The following ANKS1B variants were observed in gnomAD, a reference collection of about 807,000 sequenced individuals.
The protein encoded by ANKS1B is ankyrin repeat and sterile alpha motif domain containing 1B.
In ANKS1B, 36 loss-of-function variants were observed where a neutral mutation model predicts 148.3. The observed-to-expected ratio is 0.24, with a 90% CI of 0.19 to 0.32. ANKS1B has a LOEUF of 0.32. Ranked by LOEUF, ANKS1B falls within the 10% of genes least tolerant of loss-of-function variation. The probability of loss-of-function intolerance (pLI) is 1.00; values close to 1 mark genes in which losing one functional copy is unlikely to be tolerated. For missense variants in ANKS1B, 1,157 were observed against 1,542.6 expected (o/e 0.75, Z 4.19); for synonymous variants, 542 against 560.8 (o/e 0.97, Z 0.47).
At chr12:98,767,233 GT>G (rs1303748489) in intron 25 of ANKS1B, among the ~76,000 whole-genome samples, 5 of 152,192 alleles carry the variant, frequency 3.3e-5, no homozygotes, top group Non-Finnish European at 7.3e-5. Flanking sequence ...TGATGCTAGT[GT>G]TTTTCTTGCC....
At chr12:99,875,922 T>G (rs569122600) in intron 1 of ANKS1B, among the ~76,000 whole-genome samples, 2 of 152,320 alleles carry the variant, frequency 1.3e-5, no homozygotes, top group East Asian at 3.9e-4. Context: ...AGTATCAAGA[T>G]GTAGGAAGCA....
chr12:99,271,078 G>C (rs778392332), intron 12 of ANKS1B, among the ~76,000 whole-genome samples: 32 of 152,196 alleles, frequency 2.1e-4, no homozygotes, highest in Non-Finnish European at 4.3e-4. Context: ...CAGAGTCCCT[G>C]CCTATCTCTC....
At chr12:98,819,543 T>A (rs2099167509) in intron 19 of ANKS1B, among the ~76,000 whole-genome samples, 1 of 152,214 alleles carries the variant, frequency 6.6e-6, no homozygotes, top group Non-Finnish European at 1.5e-5. Flanking sequence ...CAATTCAATA[T>A]AAGGCAAAAG....
rs752364983 is a variant in ANKS1B, at chr12:98,798,122, C to CA, written c.3342+811dup. On this transcript the variant is annotated intron_variant, in intron 22 of 26. Coordinates refer to ENST00000683438, the MANE Select transcript of ANKS1B (RefSeq NM_001352186.2). ...ACTAATCACAGATATTTGGAATTGC[C>CA]ATTTTTTTTTTTTTTTTGAGACAGA... Among the ~76,000 whole-genome samples, 82 of 124,456 alleles carry CA rather than the reference C, an allele frequency of 6.6e-4. 1 individual carries two copies. Among genetic ancestry groups the CA allele is most frequent in the Admixed American group, 2.3e-3 (23 of 9,792 alleles). 81.6% of individuals were successfully genotyped at this position (124,456 alleles called of 152,430 possible). A position where few individuals can be genotyped will look rare whatever the true frequency, so the allele number is the denominator to read the frequency against.
At chr12:99,277,538 GA>G (rs2077834746) in intron 12 of ANKS1B, among the ~76,000 whole-genome samples, 1 of 152,210 alleles carries the variant, frequency 6.6e-6, no homozygotes, top group Non-Finnish European at 1.5e-5. Flanking sequence ...GTGTACACAT[GA>G]AATGTTGAAG....
chr12:99,590,151 CATAT>C (rs1042558538), intron 9 of ANKS1B, among the ~76,000 whole-genome samples: 4 of 151,646 alleles, frequency 2.6e-5, no homozygotes, highest in African/African-American at 9.7e-5. Context: ...CACATATAAA[CATAT>C]ATAGATATGT....
At chr12:99,021,574 C>T (rs927684531) in intron 17 of ANKS1B, among the ~76,000 whole-genome samples, 2 of 151,896 alleles carry the variant, frequency 1.3e-5, no homozygotes, top group Admixed American at 1.3e-4. Context: ...ATAGGCACCA[C>T]AATAAGGTAT....
intron 9 of ANKS1B, among the ~76,000 whole-genome samples, chr12:99,555,603 G>A (rs1045178430): frequency 4.6e-5 from 7 of 151,962 alleles, no homozygotes; most frequent in African/African-American, 7.3e-5. Flanking sequence ...ATTATTTTGA[G>A]GTATATTCCT....
intron 26 of ANKS1B, among the ~76,000 whole-genome samples, chr12:98,749,298 G>A (rs1185505295): frequency 6.6e-6 from 1 of 151,226 alleles, no homozygotes; most frequent in Non-Finnish European, 1.5e-5. Flanking sequence ...TAGTAGAGAC[G>A]GGGTTTCACC....
chr12:99,617,825 A>G (rs970212592), intron 9 of ANKS1B, among the ~76,000 whole-genome samples: 2 of 152,066 alleles, frequency 1.3e-5, no homozygotes, highest in African/African-American at 4.8e-5. Context: ...AAAACAAAAC[A>G]AAGCAAAACA....
At chr12:99,120,167 C>T (rs2062401931) in intron 15 of ANKS1B, among the ~76,000 whole-genome samples, 1 of 152,156 alleles carries the variant, frequency 6.6e-6, no homozygotes, top group African/African-American at 2.4e-5. Context: ...TGTAGACTTG[C>T]CAATTCACCT....
chr12:98,745,881 C>T (rs367871401), intron 26 of ANKS1B, 32 bp from the exon 27 acceptor site: 22 of 1,591,532 alleles, frequency 1.4e-5, no homozygotes, highest in South Asian at 5.7e-5. Flanking sequence ...GCCTGTTATA[C>T]GGTCGCCGCG....
chr12:99,072,566 T>C (rs1030101549), intron 16 of ANKS1B, among the ~76,000 whole-genome samples: 7 of 152,200 alleles, frequency 4.6e-5, no homozygotes, highest in Admixed American at 2.6e-4. Context: ...TCCTTAAAGA[T>C]GACTTAAGTG....
At chr12:99,781,107 G>T (rs2064272628) in intron 5 of ANKS1B, among the ~76,000 whole-genome samples, 1 of 148,528 alleles carries the variant, frequency 6.7e-6, no homozygotes, top group Admixed American at 6.7e-5. Context: ...GGTCCCAAAT[G>T]TTAGTTCATT....
intron 12 of ANKS1B, among the ~76,000 whole-genome samples, chr12:99,348,415 T>G (rs900944677): frequency 1.3e-5 from 2 of 151,208 alleles, no homozygotes; most frequent in Non-Finnish European, 2.9e-5. Context: ...CTTCCCCAAA[T>G]GCAAATTTAA....
intron 9 of ANKS1B, among the ~76,000 whole-genome samples, chr12:99,540,401 C>G (rs892967280): frequency 3.3e-5 from 5 of 152,028 alleles, no homozygotes; most frequent in African/African-American, 1.2e-4. Flanking sequence ...CAGAATAGAC[C>G]ATGCAATATG....
intron 14 of ANKS1B, among the ~76,000 whole-genome samples, chr12:99,189,102 T>C (rs559952595): frequency 6.6e-6 from 1 of 152,248 alleles, no homozygotes; most frequent in Non-Finnish European, 1.5e-5. Context: ...AAGAAATGGA[T>C]AAATTGCTGG....
intron 8 of ANKS1B, among the ~76,000 whole-genome samples, chr12:99,744,945 T>C (rs10860504): frequency 0.45 from 63,607 of 141,498 alleles, 14,225 homozygotes; most frequent in South Asian, 0.62. Context: ...TGAGCCAAGA[T>C]TGCGCCACTG....
At chr12:98,884,142 A>G (rs1389459274) in intron 17 of ANKS1B, among the ~76,000 whole-genome samples, 2 of 152,240 alleles carry the variant, frequency 1.3e-5, no homozygotes, top group Admixed American at 1.3e-4. Context: ...TTACAGGCTA[A>G]TAGCTAAACG....
Sources: allele counts gnomAD v4.1 joint callset (sites outside exome capture counted in the v4.1 genomes callset), GRCh38; gene constraint gnomAD v4.1.1; transcripts MANE v1.5; gene names NCBI Gene and HGNC (gene_info 2026-07-23, HGNC 2026-07-21).